CHERP: variants seen among roughly 807,000 people sequenced by gnomAD.
CHERP encodes ERPROT 213-21.
In CHERP, 8 loss-of-function variants were observed where a neutral mutation model predicts 113.8. The observed-to-expected ratio is 0.07, with a 90% CI of 0.04 to 0.13. The LOEUF (loss-of-function observed/expected upper bound fraction) is 0.13, where lower values mean the gene tolerates loss of function less well. Among genes scored for constraint, CHERP ranks in the 10% least tolerant of loss-of-function variants. CHERP has a pLI of 1.00. For synonymous variants in CHERP, 559 were observed against 524.5 expected, an observed-to-expected ratio of 1.07 and a Z score of -0.90; for missense variants, 884 against 1,298.2, an observed-to-expected ratio of 0.68 and a Z score of 4.90.
chr19:16,535,571 G>T lies in CHERP; in HGVS notation c.265C>A (p.Pro89Thr). The T allele has an allele frequency of 6.4e-7, 1 of 1,565,862 alleles. No homozygotes were observed. The highest frequency in any genetic ancestry group is 8.6e-7 in the Non-Finnish European group (1 of 1,156,570). ...GGGATGGGCGCGGCGGGGGCCAGCG[G>T]GGGCTGTGGCAGGGGTGGCATGGTG... The part of the protein sequence containing the change: ...AATMPPLPQP[P>T]LAPAAPIPPA... Residue 89 changes from proline (P) to threonine (T), a missense_variant, in exon 3 of 17, where the codon CCG becomes ACG. Pro to Thr is a conservative substitution (Grantham distance 38). Transcript: ENST00000546361. The surrounding 1 kb of genome is among the most constrained non-coding windows in gnomAD (Gnocchi z 4.3).
chr19:16,519,847 C>A lies in CHERP; in HGVS notation c.2463-132G>T. The A allele has an allele frequency of 1.2e-6, 1 of 812,758 alleles. No individual in the cohort carries two copies. The highest frequency in any genetic ancestry group is 2.1e-6 in the Non-Finnish European group (1 of 477,250). The allele number at this position is 812,758 out of a possible 1,614,324, so 50.3% of individuals were successfully genotyped here. The stretch of plus-strand genomic sequence containing the variant: ...CAGGTGACACCGTATGCAGATTTTG[C>A]GTCTCTACCCGTTTATCCTGTCTCA... On this transcript the variant is annotated intron_variant, in intron 15 of 16. Coordinates refer to ENST00000546361, the MANE Select transcript of CHERP (RefSeq NM_006387.6). This position sits in a 1 kb window ranked among gnomAD's most constrained non-coding sequence, Gnocchi z 6.0.
chr19:16,532,878 A>T lies in CHERP; in HGVS notation c.523-129T>A. Reference sequence around the variant, plus strand: ...ATGAGCGTGGGGGGCACAGGGTCCCACAGCCTCAGGAGCTCCAGGCGGGAG... The same window carrying T: ...ATGAGCGTGGGGGGCACAGGGTCCCTCAGCCTCAGGAGCTCCAGGCGGGAG... On this transcript the variant is annotated intron_variant, in intron 4 of 16. Transcript: ENST00000546361. This position sits in a 1 kb window ranked among gnomAD's most constrained non-coding sequence, Gnocchi z 4.4. The T allele has an allele frequency of 6.6e-7, 1 of 1,523,826 alleles. No homozygotes were observed. The highest frequency in any genetic ancestry group is 2.0e-5 in the Admixed American group (1 of 51,224). 94.4% of individuals were successfully genotyped at this position (1,523,826 alleles called of 1,614,324 possible).
At position 16,535,683 on chromosome 19, in the gene CHERP, T is replaced by C. The variant is rs1246297936; in HGVS notation, c.200-47A>G. ...TGCCCCATGAGAATGCAGATGGGGG[T>C]CTAGGTGTCCCCTTGGCCACCTCTC... is the stretch of plus-strand genomic sequence containing the variant. On this transcript the variant is annotated intron_variant, in intron 2 of 16. Coordinates refer to ENST00000546361, the MANE Select transcript of CHERP (RefSeq NM_006387.6). The surrounding 1 kb of genome is among the most constrained non-coding windows in gnomAD (Gnocchi z 4.3). The C allele has an allele frequency of 2.1e-6, 3 of 1,442,402 alleles. No individual in the cohort carries two copies. The South Asian group carries it at 4.3e-5, about 21-fold the overall frequency. The allele number at this position is 1,442,402 out of a possible 1,614,324, so 89.4% of individuals were successfully genotyped here.
chr19:16,528,939 CA>C (rs2085675667), intron 8 of CHERP, among the ~76,000 whole-genome samples: 1 of 152,126 alleles, frequency 6.6e-6, no homozygotes, highest in African/African-American at 2.4e-5. Flanking sequence ...GGCGACAGAG[CA>C]AGACTCCATC....
chr19:16,524,835 C>T lies in CHERP; in HGVS notation c.1741+407G>A, dbSNP rs905894001. On this transcript the variant is annotated intron_variant, in intron 10 of 16. Coordinates refer to ENST00000546361, the MANE Select transcript of CHERP (RefSeq NM_006387.6). ...GTACAGTGGTGCGATCACAGCTCAC[C>T]GCAACCTCAGCCTTCTGAGCAGCTA... is the stretch of plus-strand genomic sequence containing the variant. Among the ~76,000 whole-genome samples, 7 of 151,876 alleles carry T rather than the reference C, an allele frequency of 4.6e-5. No individual in the cohort carries two copies. In the South Asian group the frequency reaches 6.2e-4, roughly 13 times the overall value.
chr19:16,537,789 T>C (rs578185033), intron 2 of CHERP, among the ~76,000 whole-genome samples: 75 of 152,162 alleles, frequency 4.9e-4, no homozygotes, highest in Non-Finnish European at 8.2e-4. Flanking sequence ...AGTCATGGTA[T>C]TGCCACTTAT....
rs2085638133 is a variant in CHERP, at chr19:16,523,717, G to C, written c.1742-427C>G. ...CTGTTGCCGTTATAATAAGAGATTA[G>C]GACACAGACATGTAGAGAGAAGACG... On this transcript the variant is annotated intron_variant, in intron 10 of 16. Transcript: ENST00000546361. This position sits in a 1 kb window ranked among gnomAD's most constrained non-coding sequence, Gnocchi z 4.0. Among the ~76,000 whole-genome samples, 5 of 152,182 alleles carry C rather than the reference G, an allele frequency of 3.3e-5. 1 individual carries two copies. In the South Asian group the frequency reaches 1.0e-3, roughly 32 times the overall value.
intron 11 of CHERP, among the ~76,000 whole-genome samples, chr19:16,522,236 C>A (rs1381180254): frequency 6.6e-6 from 1 of 151,560 alleles, no homozygotes; most frequent in Non-Finnish European, 1.5e-5. Flanking sequence ...TTGGAGGCCC[C>A]AAGCCCCGGC....
intron 2 of CHERP, among the ~76,000 whole-genome samples, chr19:16,538,783 C>T (rs1222131778): frequency 6.6e-6 from 1 of 151,410 alleles, no homozygotes; most frequent in Non-Finnish European, 1.5e-5. Flanking sequence ...AAGTGGCCAC[C>T]CCCCCGCCCC....
At position 16,520,965 on chromosome 19, in the gene CHERP, G is replaced by C. The variant is rs8111801; in HGVS notation, c.2115-53C>G. 0.36 allele frequency: 534,933 copies of C among 1,503,336 alleles called. 101,055 individuals carry two copies. Among genetic ancestry groups the C allele is most frequent in the African/African-American group, 0.66 (47,943 of 72,810 alleles). 93.1% of individuals were successfully genotyped at this position (1,503,336 alleles called of 1,614,324 possible). ...CCACGTGACACCCACCCACAAGGAA[G>C]TCGTGAAAAAGTCATCAGGAGTTAA... is the stretch of plus-strand genomic sequence containing the variant. On this transcript the variant is annotated intron_variant, in intron 12 of 16. Transcript: ENST00000546361. This position sits in a 1 kb window ranked among gnomAD's most constrained non-coding sequence, Gnocchi z 4.0.
rs529693090 is a variant in CHERP at position 16,522,978 on chromosome 19, T to C, written c.1980+74A>G. ...CCCGGAAGGCACCCGGTCCCGTGCA[T>C]TCACTTTTCACAAGGAGAAACGGGG... is the stretch of plus-strand genomic sequence containing the variant. On this transcript the variant is annotated intron_variant, in intron 11 of 16. Coordinates refer to ENST00000546361, the MANE Select transcript of CHERP (RefSeq NM_006387.6). 1.5e-5 allele frequency: 22 copies of C among 1,459,656 alleles called. No individual in the cohort carries two copies. In the African/African-American group the frequency reaches 2.5e-4, roughly 17 times the overall value. The allele number at this position is 1,459,656 out of a possible 1,614,324, so 90.4% of individuals were successfully genotyped here.
At chr19:16,539,591 G>T (rs2085764472) in intron 2 of CHERP, 1 of 152,144 alleles carries the variant, frequency 6.6e-6, no homozygotes, top group Non-Finnish European at 1.5e-5. Context: ...ATAGGCATCA[G>T]AAAAACCCCT....
At chr19:16,521,449 A>G (rs1242329026) in intron 12 of CHERP, 72 bp downstream of exon 12, 3 of 1,399,404 alleles carry the variant, frequency 2.1e-6, no homozygotes, top group Non-Finnish European at 1.9e-6. Flanking sequence ...GCCTGGACAG[A>G]AGGTGTGGTT....
chr19:16,520,376 C>T lies in CHERP; in HGVS notation c.2333G>A (p.Arg778His), dbSNP rs369466742. Residue 778 changes from arginine (R) to histidine (H), a missense_variant, in exon 14 of 17, where the codon CGC (arginine) becomes CAC (histidine). Physicochemically the swap from Arg to His is conservative, Grantham distance 29. Coordinates refer to ENST00000546361, the MANE Select transcript of CHERP (RefSeq NM_006387.6). This position sits in a 1 kb window ranked among gnomAD's most constrained non-coding sequence, Gnocchi z 4.0. ...AGCCTCTGCCTACCTAGATCTGGAG[C>T]GGGAGTAGGAACGGGAGCAGGAGCG... ...RSRSCSRSYS[R>H]SRSRSRSRSR... 1.9e-5 allele frequency: 30 copies of T among 1,613,540 alleles called. No individual in the cohort carries two copies. Among genetic ancestry groups the T allele is most frequent in the African/African-American group, 6.7e-5 (5 of 74,798 alleles).
At chr19:16,524,024 G>A (rs2085639877) in intron 10 of CHERP, among the ~76,000 whole-genome samples, 1 of 152,206 alleles carries the variant, frequency 6.6e-6, no homozygotes, top group Admixed American at 6.5e-5. Context: ...GGCCAAGGCG[G>A]GTAGATCACT....
chr19:16,538,810 C>T lies in CHERP; in HGVS notation c.199+3060G>A, dbSNP rs542729032. On this transcript the variant is annotated intron_variant, in intron 2 of 16. Transcript: ENST00000546361. ...CCCCGCCCCAGAAAGGGAAAGCAGCCCTTAGCTCAGTCACCCAAGCCAAAG... is the reference window on the plus strand; with the variant it reads ...CCCCGCCCCAGAAAGGGAAAGCAGCTCTTAGCTCAGTCACCCAAGCCAAAG... 2.6e-5 allele frequency among the ~76,000 whole-genome samples: 4 copies of T among 151,662 alleles called. No individual in the cohort carries two copies. The South Asian group carries it at 8.4e-4, about 32-fold the overall frequency.
At chr19:16,522,886 G>T (rs973564753) in intron 11 of CHERP, among the ~76,000 whole-genome samples, 166 bp downstream of exon 11, 2 of 152,182 alleles carry the variant, frequency 1.3e-5, no homozygotes, top group African/African-American at 2.4e-5. Flanking sequence ...GCCACACCGT[G>T]CTACTCCGGT....
intron 11 of CHERP, 89 bp from the exon 12 acceptor site, chr19:16,521,743 GC>G: frequency 7.7e-7 from 1 of 1,305,118 alleles, no homozygotes; most frequent in Non-Finnish European, 1.0e-6. Flanking sequence ...TCAGGGCAGG[GC>G]CCAGGTTCAG....
rs187004631 is a variant in CHERP, at chr19:16,529,385, G to T, written c.1129+263C>A. ...AATAGTTACCCTAGTCTTGGGGAAT[G>T]ATCTGGGTACCTTTCCTCTATTTCT... is the stretch of plus-strand genomic sequence containing the variant. On this transcript the variant is annotated intron_variant, in intron 8 of 16. Coordinates refer to ENST00000546361, the MANE Select transcript of CHERP (RefSeq NM_006387.6). 3.3e-5 allele frequency among the ~76,000 whole-genome samples: 5 copies of T among 152,310 alleles called. No individual in the cohort carries two copies. In the South Asian group the frequency reaches 1.0e-3, roughly 32 times the overall value.
Sources: allele counts gnomAD v4.1 joint callset (sites outside exome capture counted in the v4.1 genomes callset), GRCh38; gene constraint gnomAD v4.1.1; non-coding constraint Gnocchi (gnomAD v3.1); transcripts MANE v1.5; gene names NCBI Gene and HGNC (gene_info 2026-07-23, HGNC 2026-07-21).